Variants in HYDIN observed in about 807,000 individuals in gnomAD.
The protein encoded by HYDIN is HYDIN axonemal central pair apparatus protein.
In HYDIN, 132 loss-of-function variants were observed where a neutral mutation model predicts 403.9. That is an observed-to-expected ratio of 0.33 (90% CI 0.28 to 0.38). The LOEUF is 0.38. Ranked by LOEUF, HYDIN falls within the 10% of genes least tolerant of loss-of-function variation. The pLI, the probability that HYDIN is intolerant of heterozygous loss-of-function variation, is 1.00. For synonymous variants in HYDIN, 1,202 were observed against 1,891.7 expected (o/e 0.64, Z 9.46); for missense variants, 2,827 against 5,009.5 (o/e 0.56, Z 13.15).
intron 41 of HYDIN, among the ~76,000 whole-genome samples, chr16:70,944,978 C>A (rs1167249926): frequency 2.0e-5 from 3 of 152,226 alleles, no homozygotes; most frequent in African/African-American, 7.2e-5. Context: ...GTCTCGAACT[C>A]CTGACCTCAG....
chr16:71,134,313 G>C (rs2084827338), intron 8 of HYDIN, among the ~76,000 whole-genome samples: 1 of 151,572 alleles, frequency 6.6e-6, no homozygotes, highest in African/African-American at 2.4e-5. Context: ...CAGTGGACAG[G>C]CTCTTCAGTC....
chr16:71,192,743 G>A (rs758212382), intron 1 of HYDIN, among the ~76,000 whole-genome samples: 3 of 152,040 alleles, frequency 2.0e-5, no homozygotes, highest in Non-Finnish European at 2.9e-5. Flanking sequence ...CTCCCTCACC[G>A]GACTCTTAAG....
chr16:70,970,768 C>T lies in HYDIN; in HGVS notation c.5380-9G>A, dbSNP rs576331482. 6.3e-7 allele frequency: 1 copy of T among 1,592,912 alleles called. No homozygotes were observed. Among genetic ancestry groups the T allele is most frequent in the African/African-American group, 1.3e-5 (1 of 74,180 alleles). On this transcript the variant is annotated splice_polypyrimidine_tract_variant and intron_variant, in intron 35 of 85. Transcript: ENST00000393567. ...GTTTGGCTGTAGAATTTCTGGAAAA[C>T]ATAAAAACAAAACAAGCATCTGAGT...
At chr16:71,178,433 AAAT>A (rs1266083265) in intron 4 of HYDIN, among the ~76,000 whole-genome samples, 2 of 84,204 alleles carry the variant, frequency 2.4e-5, no homozygotes, top group African/African-American at 5.1e-5. Context: ...AAAAAAAAAA[AAAT>A]ATATATATAT....
At chr16:71,051,537 T>C (rs1423631304) in intron 18 of HYDIN, among the ~76,000 whole-genome samples, 2 of 150,748 alleles carry the variant, frequency 1.3e-5, no homozygotes, top group South Asian at 4.2e-4. Context: ...TCCCAGCTAC[T>C]AGGGAGGCTG....
intron 68 of HYDIN, among the ~76,000 whole-genome samples, 179 bp downstream of exon 68, chr16:70,862,906 G>A (rs1024258073): frequency 1.6e-4 from 24 of 152,214 alleles, no homozygotes; most frequent in African/African-American, 5.8e-4. Context: ...CCAGGAGGGT[G>A]GAGGTAAGTT....
rs530669314 is a variant in HYDIN, at chr16:71,030,188, C to G, written c.2768+1491G>C. On this transcript the variant is annotated intron_variant, in intron 19 of 85. Coordinates refer to ENST00000393567, the MANE Select transcript of HYDIN (RefSeq NM_001270974.2). ...ACCTCAGCCTCCCAAGTAGGTAGGA[C>G]AACAGGCATGTGACATCATGCGAGG... 1.1e-4 allele frequency among the ~76,000 whole-genome samples: 17 copies of G among 152,040 alleles called. No individual in the cohort carries two copies. The South Asian group carries it at 3.5e-3, about 32-fold the overall frequency.
chr16:71,181,712 G>C (rs748199814), intron 3 of HYDIN, among the ~76,000 whole-genome samples: 4 of 152,140 alleles, frequency 2.6e-5, no homozygotes, highest in Non-Finnish European at 5.9e-5. Context: ...AGTTAGGAGA[G>C]ATTAAAAATT....
chr16:71,032,700 T>C (rs371620901), intron 18 of HYDIN, among the ~76,000 whole-genome samples: 2 of 98,904 alleles, frequency 2.0e-5, no homozygotes, highest in East Asian at 2.4e-4. Flanking sequence ...TATAACACAG[T>C]AGTATTTGTA....
At chr16:71,195,022 T>A (rs1366510760) in intron 1 of HYDIN, among the ~76,000 whole-genome samples, 1 of 152,174 alleles carries the variant, frequency 6.6e-6, no homozygotes, top group African/African-American at 2.4e-5. Context: ...TTGCACAACA[T>A]CTATTAGTCA....
At chr16:70,906,852 A>G (rs1324312882) in intron 50 of HYDIN, among the ~76,000 whole-genome samples, 1 of 152,204 alleles carries the variant, frequency 6.6e-6, no homozygotes, top group Admixed American at 6.5e-5. Context: ...TCATGGCTCC[A>G]TAACACTGGT....
chr16:70,964,739 G>C lies in HYDIN; in HGVS notation c.5777C>G (p.Ala1926Gly), dbSNP rs1213073299. 6.2e-7 allele frequency: 1 copy of C among 1,610,146 alleles called. No individual in the cohort carries two copies. Among genetic ancestry groups the C allele is most frequent in the Admixed American group, 1.7e-5 (1 of 59,950 alleles). The change falls in exon 37 of 86, where the codon GCA becomes GGA. Residue 1926 changes from alanine (A) to glycine (G), a missense_variant. Coordinates refer to ENST00000393567, the MANE Select transcript of HYDIN (RefSeq NM_001270974.2). ...CATTGAGTTCTCACCATTCTCCTGTGCCAGATTCTCCAGATATTTCGCCCT... is the reference window on the plus strand; with the variant it reads ...CATTGAGTTCTCACCATTCTCCTGTCCCAGATTCTCCAGATATTTCGCCCT... ...QMRAKYLENL[A>G]QENEEEDITS...
intron 83 of HYDIN, among the ~76,000 whole-genome samples, chr16:70,821,892 T>G (rs1567656644): frequency 6.6e-6 from 1 of 152,206 alleles, no homozygotes; most frequent in Admixed American, 6.5e-5. Flanking sequence ...TTAAGCCCAC[T>G]GTTGAGACCT....
At chr16:70,824,060 G>T (rs1231878705) in intron 83 of HYDIN, among the ~76,000 whole-genome samples, 2 of 149,808 alleles carry the variant, frequency 1.3e-5, no homozygotes, top group African/African-American at 2.5e-5. Flanking sequence ...AGTTTTATAT[G>T]TTTTTTTTTT....
In HYDIN at chr16:70,934,572, G is replaced by C. The variant is rs536752846; in HGVS notation, c.7158+1380C>G. On this transcript the variant is annotated intron_variant, in intron 45 of 85. Coordinates refer to ENST00000393567, the MANE Select transcript of HYDIN (RefSeq NM_001270974.2). Reference sequence around the variant, plus strand: ...TCTCAGCAGTTTTTCTTCAGCTTAAGTGTTTTCAGACCAGGCAACCGCATT... The same window carrying C: ...TCTCAGCAGTTTTTCTTCAGCTTAACTGTTTTCAGACCAGGCAACCGCATT... Among the ~76,000 whole-genome samples, 505 of 152,256 alleles carry C rather than the reference G, an allele frequency of 3.3e-3. 4 individuals are homozygous for C. The highest frequency in any genetic ancestry group is 5.8e-3 in the Non-Finnish European group (392 of 68,028).
intron 25 of HYDIN, among the ~76,000 whole-genome samples, chr16:70,990,387 T>G (rs1185497020): frequency 4.9e-5 from 4 of 81,914 alleles, no homozygotes; most frequent in African/African-American, 1.5e-4. Flanking sequence ...AGAGTGAGAC[T>G]CTGCCTCAAA....
At chr16:71,170,482 G>C (rs2086418871) in intron 5 of HYDIN, among the ~76,000 whole-genome samples, 1 of 152,110 alleles carries the variant, frequency 6.6e-6, no homozygotes, top group African/African-American at 2.4e-5. Context: ...CTAACTATCA[G>C]TTACAGGCAA....
At chr16:71,011,242 C>A (rs955680156) in intron 23 of HYDIN, among the ~76,000 whole-genome samples, 5 of 152,022 alleles carry the variant, frequency 3.3e-5, no homozygotes, top group Admixed American at 2.6e-4. Flanking sequence ...TGTTAAGATA[C>A]ACTTCATTTA....
At chr16:70,970,862 G>A (rs2078712048) in intron 35 of HYDIN, 103 bp from the exon 36 acceptor site, 1 of 1,107,672 alleles carries the variant, frequency 9.0e-7, no homozygotes, top group African/African-American at 1.5e-5. Context: ...TTTAGATTAA[G>A]GGAGAAAACT....
Sources: allele counts gnomAD v4.1 joint callset (sites outside exome capture counted in the v4.1 genomes callset), GRCh38; gene constraint gnomAD v4.1.1; transcripts MANE v1.5; gene names NCBI Gene and HGNC (gene_info 2026-07-23, HGNC 2026-07-21).